Variants in CYP4F2 observed in about 807,000 individuals in gnomAD.
CYP4F2 encodes cytochrome P450 family 4 subfamily F member 2.
A neutral mutation model predicts 58.9 loss-of-function variants in CYP4F2; 58 were observed. The observed-to-expected ratio is 0.98, with a 90% CI of 0.80 to 1.23. CYP4F2 has a LOEUF of 1.23. Among genes scored for constraint, CYP4F2 ranks in the 50% most tolerant of loss-of-function variants. CYP4F2 has a pLI of 0.00. For synonymous variants in CYP4F2, 287 were observed against 261.1 expected, an observed-to-expected ratio of 1.10 and a Z score of -0.95; for missense variants, 616 against 685.6, an observed-to-expected ratio of 0.90 and a Z score of 1.13.
Position 15,897,403 on chromosome 19 carries a change from G to C in CYP4F2, c.198+11C>G. ...TCCTGAGACCTAGACCCATCCTGCT[G>C]CCACACTCACCATGCCCTGGTGTCC... On this transcript the variant is annotated intron_variant, in intron 2 of 12. Coordinates refer to ENST00000221700, the MANE Select transcript of CYP4F2 (RefSeq NM_001082.5). The C allele has an allele frequency of 1.2e-6, 2 of 1,611,466 alleles. No individual in the cohort carries two copies. Among genetic ancestry groups the C allele is most frequent in the Non-Finnish European group, 1.7e-6 (2 of 1,178,736 alleles).
intron 9 of CYP4F2, 88 bp from the exon 10 acceptor site, chr19:15,879,985 T>TC: frequency 6.4e-7 from 1 of 1,573,694 alleles, no homozygotes; most frequent in South Asian, 1.2e-5. Flanking sequence ...AGACCTTTTC[T>TC]CCCCGCAATA....
rs559132777 is a variant in CYP4F2 at position 15,897,476 on chromosome 19, G to A, written c.136C>T (p.Arg46Cys). The change falls in exon 2 of 13, where the codon CGC (arginine) becomes TGC (cysteine). Residue 46 changes from arginine to cysteine, a missense_variant. Arg to Cys is a radical substitution (Grantham distance 180, BLOSUM62 -3). Coordinates refer to ENST00000221700, the MANE Select transcript of CYP4F2 (RefSeq NM_001082.5). The stretch of plus-strand genomic sequence containing the variant: ...GGTTGTGGGAAACACCGAAGGCGGC[G>A]GCAGTTGTCATAGAAGGCGTAGGTC... ...AWTYAFYDNC[R>C]RLRCFPQPPR... is the part of the protein sequence containing the mutation. The A allele has an allele frequency of 7.4e-6, 12 of 1,614,000 alleles. No individual in the cohort carries two copies. Among genetic ancestry groups the A allele is most frequent in the Admixed American group, 5.0e-5 (3 of 60,000 alleles).
rs376954115 is a variant in CYP4F2, at chr19:15,878,947, G to A, written c.1398-11C>T. On this transcript the variant is annotated splice_polypyrimidine_tract_variant and intron_variant, in intron 12 of 12. Transcript: ENST00000221700. ...TGCCCGATGCAGTTCCTAGGGGAGG[G>A]AGGTGGGAACTCTGACTGCACCCAG... 5 of 1,611,760 alleles carry A rather than the reference G, an allele frequency of 3.1e-6. No homozygotes were observed. The highest frequency in any genetic ancestry group is 1.1e-5 in the South Asian group (1 of 90,790).
intron 2 of CYP4F2, among the ~76,000 whole-genome samples, chr19:15,895,896 A>G (rs2089444595): frequency 6.8e-6 from 1 of 145,998 alleles, no homozygotes; most frequent in South Asian, 2.2e-4. Context: ...ATCTATTAAT[A>G]GCCATCTATC....
At chr19:15,885,188 C>G (rs2089369834) in intron 9 of CYP4F2, among the ~76,000 whole-genome samples, 1 of 151,772 alleles carries the variant, frequency 6.6e-6, no homozygotes, top group African/African-American at 2.4e-5. Context: ...TGACCTAGAG[C>G]ACTGCCCCCC....
chr19:15,878,749 T>A lies in CYP4F2; in HGVS notation c.*22A>T, dbSNP rs1267765733. The A allele has an allele frequency of 1.2e-6, 2 of 1,611,450 alleles. No individual in the cohort carries two copies. The highest frequency in any genetic ancestry group is 1.7e-6 in the Non-Finnish European group (2 of 1,178,562). ...TGAATCAGGGGTCATTTTAGTGGGG[T>A]CAGAGTGGGTCTCTGCAGAACTCAG... is the stretch of plus-strand genomic sequence containing the variant. On this transcript the variant is annotated 3_prime_UTR_variant, in exon 13 of 13. Coordinates refer to ENST00000221700, the MANE Select transcript of CYP4F2 (RefSeq NM_001082.5).
intron 1 of CYP4F2, 91 bp from the exon 2 acceptor site, chr19:15,897,703 G>C: frequency 6.8e-7 from 1 of 1,475,126 alleles, no homozygotes. Context: ...GGGACGGGCA[G>C]TGCCGGAGGT....
chr19:15,879,523 T>C, intron 11 of CYP4F2, 81 bp downstream of exon 11: 3 of 1,607,368 alleles, frequency 1.9e-6, no homozygotes, highest in South Asian at 2.2e-5. Context: ...AGGGAGGTGA[T>C]GTTGGATACT....
At chr19:15,896,991 G>C (rs2089451832) in intron 2 of CYP4F2, among the ~76,000 whole-genome samples, 1 of 152,172 alleles carries the variant, frequency 6.6e-6, no homozygotes, top group Non-Finnish European at 1.5e-5. Context: ...GTGGGAGACG[G>C]CCCATGCCTC....
chr19:15,886,912 T>A (rs899995601), intron 7 of CYP4F2, among the ~76,000 whole-genome samples: 1 of 152,216 alleles, frequency 6.6e-6, no homozygotes, highest in Non-Finnish European at 1.5e-5. Context: ...TCTCTTAGGA[T>A]GCAAACTCTG....
intron 9 of CYP4F2, among the ~76,000 whole-genome samples, chr19:15,880,433 C>T (rs1158036236): frequency 6.6e-6 from 1 of 152,022 alleles, no homozygotes; most frequent in African/African-American, 2.4e-5. Context: ...TCGAGACCAT[C>T]CTAGCTAACA....
rs775989530 is a variant in CYP4F2 at position 15,892,512 on chromosome 19, C to T, written c.397+17G>A. ...CCCCAACGTTTTTCCCAACCCTGTT[C>T]ACCTGCAGATACTCACCCAGCCAGG... On this transcript the variant is annotated intron_variant, in intron 4 of 12. Coordinates refer to ENST00000221700, the MANE Select transcript of CYP4F2 (RefSeq NM_001082.5). 1.9e-6 allele frequency: 3 copies of T among 1,614,076 alleles called. No individual in the cohort carries two copies. The highest frequency in any genetic ancestry group is 2.5e-6 in the Non-Finnish European group (3 of 1,179,980).
intron 9 of CYP4F2, among the ~76,000 whole-genome samples, chr19:15,884,442 C>T (rs571771133): frequency 1.4e-4 from 21 of 152,194 alleles, no homozygotes; most frequent in South Asian, 2.1e-4. Context: ...CTATAGTTTA[C>T]GATATGTACT....
At chr19:15,879,307 C>T (rs1258384470) in intron 12 of CYP4F2, 39 bp downstream of exon 12, 7 of 1,609,804 alleles carry the variant, frequency 4.3e-6, no homozygotes, top group African/African-American at 1.3e-5. Flanking sequence ...CCCCTGCACC[C>T]ATCAACCCGT....
chr19:15,895,786 A>C, intron 2 of CYP4F2, 136 bp from the exon 3 acceptor site: 1 of 1,117,334 alleles, frequency 8.9e-7, no homozygotes, highest in Non-Finnish European at 1.2e-6. Context: ...TATCTATCTA[A>C]TTTTTCTATC....
rs201041768 is a variant in CYP4F2 at position 15,890,465 on chromosome 19, G to T, written c.526-32C>A. 9.9e-6 allele frequency: 16 copies of T among 1,612,128 alleles called. No individual in the cohort carries two copies. The East Asian group carries it at 2.7e-4, about 27-fold the overall frequency. On this transcript the variant is annotated intron_variant, in intron 5 of 12. Coordinates refer to ENST00000221700, the MANE Select transcript of CYP4F2 (RefSeq NM_001082.5). Reference sequence around the variant, plus strand: ...AGAGAAGGGGACAGAGCTGGGGCAGGCTCCTTGCTCCCTTGAGCACCTCTC... The same window carrying T: ...AGAGAAGGGGACAGAGCTGGGGCAGTCTCCTTGCTCCCTTGAGCACCTCTC...
In CYP4F2 at chr19:15,897,407, C is replaced by T. The variant is rs2089453919; in HGVS notation, c.198+7G>A. 6.2e-7 allele frequency: 1 copy of T among 1,613,180 alleles called. No homozygotes were observed. The highest frequency in any genetic ancestry group is 1.1e-5 in the South Asian group (1 of 91,034). Reference sequence around the variant, plus strand: ...GAGACCTAGACCCATCCTGCTGCCACACTCACCATGCCCTGGTGTCCCCAA... The same window carrying T: ...GAGACCTAGACCCATCCTGCTGCCATACTCACCATGCCCTGGTGTCCCCAA... On this transcript the variant is annotated splice_region_variant and intron_variant, in intron 2 of 12. Transcript: ENST00000221700.
chr19:15,895,555 G>A lies in CYP4F2; in HGVS notation c.294C>T (p.Leu98=), dbSNP rs749814681. Reference sequence around the variant, plus strand: ...TGATGTCGGGGTGGCACAAACTGAGGAGGGGGGAGATGGGTCCCATCCAGA... The same window carrying A: ...TGATGTCGGGGTGGCACAAACTGAGAAGGGGGGAGATGGGTCCCATCCAGA... The part of the protein sequence containing the change: ...FKVWMGPISP[L]LSLCHPDIIR... Residue 98 remains leucine, a synonymous_variant, in exon 3 of 13, where the codon CTC becomes CTT. Coordinates refer to ENST00000221700, the MANE Select transcript of CYP4F2 (RefSeq NM_001082.5). 6.4e-7 allele frequency: 1 copy of A among 1,552,992 alleles called. No homozygotes were observed. Among genetic ancestry groups the A allele is most frequent in the Admixed American group, 2.3e-5 (1 of 44,410 alleles).
At chr19:15,888,628 A>G (rs968376582) in intron 7 of CYP4F2, among the ~76,000 whole-genome samples, 13 of 152,206 alleles carry the variant, frequency 8.5e-5, no homozygotes, top group African/African-American at 3.1e-4. Context: ...ACATACATAG[A>G]CTAAGTCACA....
Sources: allele counts gnomAD v4.1 joint callset (sites outside exome capture counted in the v4.1 genomes callset), GRCh38; gene constraint gnomAD v4.1.1; transcripts MANE v1.5; gene names NCBI Gene and HGNC (gene_info 2026-07-23, HGNC 2026-07-21).